Variants in CDK15 observed in about 807,000 individuals in gnomAD.
The protein encoded by CDK15 is cyclin dependent kinase 15.
A neutral mutation model predicts 60.3 loss-of-function variants in CDK15; 62 were observed. The ratio of observed to expected loss-of-function variants is 1.03; its 90% CI spans 0.84 to 1.27. CDK15 has a LOEUF of 1.27. Among genes scored for constraint, CDK15 ranks in the 50% most tolerant of loss-of-function variants. The probability of loss-of-function intolerance (pLI) is 0.00; values close to 1 mark genes in which losing one functional copy is unlikely to be tolerated. For synonymous variants in CDK15, 194 were observed against 195.7 expected, an observed-to-expected ratio of 0.99 and a Z score of 0.07; for missense variants, 541 against 527.8, an observed-to-expected ratio of 1.03 and a Z score of -0.25.
At chr2:201,821,339 G>A (rs1416046545) in intron 4 of CDK15, among the ~76,000 whole-genome samples, 2 of 152,036 alleles carry the variant, frequency 1.3e-5, no homozygotes, top group African/African-American at 4.8e-5. Flanking sequence ...TCCACCAGAT[G>A]AGCATGGTCT....
rs2105851987 is a variant in CDK15, at chr2:201,894,112, CACCCCT to C, written c.*846_*851del. On this transcript the variant is annotated 3_prime_UTR_variant, in exon 14 of 14. Transcript: ENST00000652192. ...ACACACACACACACACACACACACACACCCCTCAAGTAAAATGAGAGATCTGTCTTA... is the reference window on the plus strand; with the variant it reads ...ACACACACACACACACACACACACACCAAGTAAAATGAGAGATCTGTCTTA... 2 of 151,412 alleles carry C rather than the reference CACCCCT, an allele frequency of 1.3e-5. No homozygotes were observed. The highest frequency in any genetic ancestry group is 2.1e-4 in the South Asian group (1 of 4,744). 9.4% of individuals were successfully genotyped at this position (151,412 alleles called of 1,614,324 possible). A position where few individuals can be genotyped will look rare whatever the true frequency, so the allele number is the denominator to read the frequency against.
At chr2:201,859,995 G>A (rs1161369105) in intron 10 of CDK15, among the ~76,000 whole-genome samples, 1 of 152,192 alleles carries the variant, frequency 6.6e-6, no homozygotes, top group Non-Finnish European at 1.5e-5. Flanking sequence ...AAGATCCTGC[G>A]ATAAAGAGAA....
chr2:201,810,837 CT>C (rs199591982), intron 3 of CDK15, among the ~76,000 whole-genome samples: 6,738 of 123,150 alleles, frequency 0.055, 265 homozygotes, highest in African/African-American at 0.14. Flanking sequence ...GGTATGCACT[CT>C]TTTTTTTTTT....
Position 201,833,896 on chromosome 2 carries a change from C to A in CDK15, c.655C>A (p.His219Asn). ...LRGLAYIHHQ[H>N]VLHRDLKPQN... ...GGGCCTGGCGTACATCCACCACCAACACGTTCTTCACAGGGACCTGAAACC... is the reference window on the plus strand; with the variant it reads ...GGGCCTGGCGTACATCCACCACCAAAACGTTCTTCACAGGGACCTGAAACC... Residue 219 changes from histidine to asparagine, a missense_variant, in exon 7 of 14, where the codon CAC becomes AAC. Coordinates refer to ENST00000652192, the MANE Select transcript of CDK15 (RefSeq NM_001366386.2). 1 of 1,614,034 alleles carries A rather than the reference C, an allele frequency of 6.2e-7. No individual in the cohort carries two copies. Among genetic ancestry groups the A allele is most frequent in the Non-Finnish European group, 8.5e-7 (1 of 1,179,988 alleles).
chr2:201,819,534 T>C (rs1696133812), intron 4 of CDK15, among the ~76,000 whole-genome samples: 1 of 152,160 alleles, frequency 6.6e-6, no homozygotes. Flanking sequence ...GCACATGCCC[T>C]AACTCATTTG....
At chr2:201,860,845 T>G (rs771899572) in intron 10 of CDK15, 49 of 1,352,028 alleles carry the variant, frequency 3.6e-5, no homozygotes, top group Non-Finnish European at 4.7e-5. Flanking sequence ...TTAAATCCAG[T>G]GTGAGAGCTT....
intron 4 of CDK15, among the ~76,000 whole-genome samples, chr2:201,818,618 T>A (rs1050072186): frequency 6.6e-6 from 1 of 152,214 alleles, no homozygotes; most frequent in Admixed American, 6.5e-5. Flanking sequence ...ACCAAAATGA[T>A]AAACAATACT....
chr2:201,862,998 C>G (rs961879351), intron 10 of CDK15, among the ~76,000 whole-genome samples: 1 of 152,162 alleles, frequency 6.6e-6, no homozygotes, highest in Non-Finnish European at 1.5e-5. Context: ...CCAGCAGCCT[C>G]CCTCGCTACA....
chr2:201,858,088 C>T (rs1468600537), intron 10 of CDK15, among the ~76,000 whole-genome samples: 1 of 151,632 alleles, frequency 6.6e-6, no homozygotes, highest in African/African-American at 2.4e-5. Context: ...ATCCAGTGTC[C>T]ATCTACACCC....
intron 4 of CDK15, among the ~76,000 whole-genome samples, chr2:201,817,086 G>A (rs181346075): frequency 1.3e-5 from 2 of 152,340 alleles, no homozygotes; most frequent in African/African-American, 4.8e-5. Context: ...AATAAAAGCT[G>A]CTGTCTAACA....
Position 201,825,189 on chromosome 2 carries a change from C to T in CDK15, c.606+1462C>T, listed in dbSNP as rs533121938. Among the ~76,000 whole-genome samples, 193 of 151,850 alleles carry T rather than the reference C, an allele frequency of 1.3e-3. 1 individual carries two copies. Among genetic ancestry groups the T allele is most frequent in the African/African-American group, 4.6e-3 (189 of 41,384 alleles). On this transcript the variant is annotated intron_variant, in intron 6 of 13. Transcript: ENST00000652192. ...ATTAGCCAGGTGTGGTGGCGCACAC[C>T]TGTAACCCCAGCTGCTCGAGAGAGT...
chr2:201,812,188 A>C lies in CDK15; in HGVS notation c.369-295A>C, dbSNP rs1485432837. 1.1e-3 allele frequency among the ~76,000 whole-genome samples: 160 copies of C among 143,772 alleles called. 2 individuals carry two copies. The highest frequency in any genetic ancestry group is 4.1e-3 in the African/African-American group (144 of 35,092). 94.3% of individuals were successfully genotyped at this position (143,772 alleles called of 152,430 possible). A position where few individuals can be genotyped will look rare whatever the true frequency, so the allele number is the denominator to read the frequency against. On this transcript the variant is annotated intron_variant, in intron 3 of 13. Transcript: ENST00000652192. Reference sequence around the variant, plus strand: ...GATTCTGTCTCAAAAAAAAAAAAAAAAAACAAAAAAACAAAAAAACACTAC... The same window carrying C: ...GATTCTGTCTCAAAAAAAAAAAAAACAAACAAAAAAACAAAAAAACACTAC...
intron 10 of CDK15, among the ~76,000 whole-genome samples, chr2:201,856,275 A>G (rs190413428): frequency 1.7e-4 from 26 of 152,298 alleles, no homozygotes; most frequent in East Asian, 1.2e-3. Context: ...TTAGCATCCA[A>G]TACTTTTGCT....
chr2:201,872,227 C>G (rs755801588), intron 10 of CDK15, 51 bp from the exon 11 acceptor site: 1 of 1,580,600 alleles, frequency 6.3e-7, no homozygotes, highest in Non-Finnish European at 8.7e-7. Context: ...TATTTGGCAA[C>G]AGGGTTTTCG....
intron 8 of CDK15, among the ~76,000 whole-genome samples, chr2:201,838,842 T>A (rs971992785): frequency 6.6e-5 from 10 of 152,186 alleles, no homozygotes; most frequent in African/African-American, 2.4e-4. Flanking sequence ...CTACCAAAAT[T>A]TTTTTTCCTT....
chr2:201,888,640 GTC>G, intron 12 of CDK15: 1 of 1,386,976 alleles, frequency 7.2e-7, no homozygotes, highest in Non-Finnish European at 9.3e-7. Context: ...GGGAAGGAGA[GTC>G]TGGCAGTCCA....
At chr2:201,823,833 T>C in intron 6 of CDK15, 106 bp downstream of exon 6, 1 of 847,382 alleles carries the variant, frequency 1.2e-6, no homozygotes, top group Non-Finnish European at 1.9e-6. Flanking sequence ...AATAAGAGGA[T>C]GGACATCACT....
At chr2:201,881,811 A>C (rs1470112791) in intron 12 of CDK15, among the ~76,000 whole-genome samples, 1 of 151,804 alleles carries the variant, frequency 6.6e-6, no homozygotes, top group Non-Finnish European at 1.5e-5. Context: ...AAGCCCCTAG[A>C]TTGTTCCTTT....
At chr2:201,885,808 C>T (rs1354129855) in intron 12 of CDK15, among the ~76,000 whole-genome samples, 5 of 152,176 alleles carry the variant, frequency 3.3e-5, no homozygotes, top group South Asian at 2.1e-4. Flanking sequence ...GAAGAATAAT[C>T]GTACCTGCCT....
Sources: gnomAD v4.1 joint callset for allele counts (sites outside exome capture counted in the v4.1 genomes callset) on GRCh38, gnomAD v4.1.1 for gene constraint, MANE v1.5 for transcripts, NCBI Gene and HGNC (gene_info 2026-07-23, HGNC 2026-07-21) for gene names.